SBF2: variants seen among roughly 807,000 people sequenced by gnomAD.
SBF2 encodes SET binding factor 2.
A neutral mutation model predicts 225.2 loss-of-function variants in SBF2; 112 were observed. The observed-to-expected ratio is 0.50, with a 90% confidence interval of 0.43 to 0.58. The LOEUF is 0.58. Ranked by LOEUF, SBF2 falls within the 20% of genes least tolerant of loss-of-function variation. The pLI is 0.00. For missense variants in SBF2, 1,996 were observed against 2,206.2 expected (o/e 0.90, Z 1.91); for synonymous variants, 763 against 773.3 (o/e 0.99, Z 0.22).
In SBF2 at chr11:10,279,157, A is replaced by G. The variant is rs561487970; in HGVS notation, c.55+14858T>C. 3.6e-3 allele frequency among the ~76,000 whole-genome samples: 534 copies of G among 148,450 alleles called. 4 individuals carry two copies. The highest frequency in any genetic ancestry group is 5.4e-3 in the South Asian group (25 of 4,666). ...CCAGGCGTGGTGGCTCATGCCTGTA[A>G]TCTCAGCACTTTGGGAGGCTGAAGT... On this transcript the variant is annotated intron_variant, in intron 1 of 39. Transcript: ENST00000256190.
intron 9 of SBF2, 22 bp downstream of exon 9, chr11:9,998,244 C>G: frequency 1.5e-6 from 2 of 1,323,262 alleles, no homozygotes; most frequent in Non-Finnish European, 2.2e-6. Context: ...GAGAAAGTTA[C>G]TATTACAAAA....
chr11:9,829,426 A>G lies in SBF2; in HGVS notation c.3723T>C (p.Ala1241=). Residue 1241 remains alanine (A), a synonymous_variant, in exon 28 of 40, where the codon GCT becomes GCC. Transcript: ENST00000256190. ...CTCTGAGTTTCTGATGGACAGAAAC[A>G]GCATTCAGTAAGGCTTGCAAGTATT... ...QEKYLQALLN[A]VSVHQKLRGN... 6.2e-7 allele frequency: 1 copy of G among 1,613,338 alleles called. No homozygotes were observed.
At chr11:9,970,568 T>C (rs1303481293) in intron 13 of SBF2, among the ~76,000 whole-genome samples, 3 of 152,266 alleles carry the variant, frequency 2.0e-5, no homozygotes, top group African/African-American at 2.4e-5. Context: ...AAAGAAAATG[T>C]TGGGCTAAGG....
At chr11:10,166,120 C>A (rs150394339) in intron 2 of SBF2, among the ~76,000 whole-genome samples, 1 of 152,252 alleles carries the variant, frequency 6.6e-6, no homozygotes, top group African/African-American at 2.4e-5. Context: ...TTGACTAGCA[C>A]ATAATAGGCA....
intron 1 of SBF2, among the ~76,000 whole-genome samples, chr11:10,229,175 T>A (rs570058052): frequency 3.3e-5 from 5 of 152,252 alleles, no homozygotes; most frequent in Non-Finnish European, 7.4e-5. Context: ...CCCTTTGTCA[T>A]TTTTTATTGC....
intron 2 of SBF2, among the ~76,000 whole-genome samples, chr11:10,056,503 G>A (rs1393607653): frequency 6.6e-6 from 1 of 152,150 alleles, no homozygotes; most frequent in Non-Finnish European, 1.5e-5. Context: ...GTGTGTCACA[G>A]TTGTGAATGG....
intron 13 of SBF2, among the ~76,000 whole-genome samples, chr11:9,977,997 C>A (rs1310367305): frequency 2.6e-5 from 4 of 152,148 alleles, no homozygotes; most frequent in Non-Finnish European, 5.9e-5. Flanking sequence ...TTACAAACAT[C>A]TGAATGGAAT....
intron 16 of SBF2, among the ~76,000 whole-genome samples, chr11:9,939,915 A>G (rs1035449699): frequency 1.3e-5 from 2 of 152,242 alleles, no homozygotes; most frequent in African/African-American, 2.4e-5. Context: ...CTATGTGGAA[A>G]TGTCAAGAGT....
At chr11:9,893,969 G>T (rs895834952) in intron 17 of SBF2, among the ~76,000 whole-genome samples, 1 of 152,182 alleles carries the variant, frequency 6.6e-6, no homozygotes, top group Non-Finnish European at 1.5e-5. Context: ...TTTCTGGTCA[G>T]GCGTGGTGGC....
At chr11:9,798,588 A>G (rs1450015101) in intron 32 of SBF2, among the ~76,000 whole-genome samples, 1 of 152,168 alleles carries the variant, frequency 6.6e-6, no homozygotes, top group Admixed American at 6.5e-5. Context: ...TTTCCAAGGG[A>G]GGAAGAGTTC....
At chr11:10,098,292 T>C (rs1230464446) in intron 2 of SBF2, among the ~76,000 whole-genome samples, 1 of 151,914 alleles carries the variant, frequency 6.6e-6, no homozygotes, top group Non-Finnish European at 1.5e-5. Flanking sequence ...AAACCTAAGA[T>C]TTCTTCCCTG....
At chr11:10,193,295 C>T (rs1159480432) in intron 2 of SBF2, among the ~76,000 whole-genome samples, 2 of 147,960 alleles carry the variant, frequency 1.4e-5, no homozygotes, top group African/African-American at 4.9e-5. Flanking sequence ...AAGACTTTTA[C>T]TAAAGAAGCA....
chr11:9,933,945 TCAAA>T (rs1864691606), intron 16 of SBF2, among the ~76,000 whole-genome samples: 1 of 151,108 alleles, frequency 6.6e-6, no homozygotes, highest in Admixed American at 6.6e-5. Flanking sequence ...GAGAGAAGAA[TCAAA>T]CAGATGCAAT....
intron 6 of SBF2, among the ~76,000 whole-genome samples, chr11:10,012,767 T>C (rs1232747090): frequency 1.3e-5 from 2 of 152,196 alleles, no homozygotes; most frequent in African/African-American, 4.8e-5. Flanking sequence ...ATTTGAATTA[T>C]ATTTTTTTCC....
intron 2 of SBF2, among the ~76,000 whole-genome samples, chr11:10,157,260 A>T (rs1041586360): frequency 6.6e-6 from 1 of 152,198 alleles, no homozygotes; most frequent in African/African-American, 2.4e-5. Context: ...CATATACAAA[A>T]ATTAACTCAA....
chr11:10,291,380 CAG>C (rs976112878), intron 1 of SBF2, among the ~76,000 whole-genome samples: 5 of 152,136 alleles, frequency 3.3e-5, no homozygotes, highest in Non-Finnish European at 7.4e-5. Flanking sequence ...CTGAATCTGT[CAG>C]AGTCTTCATC....
intron 6 of SBF2, among the ~76,000 whole-genome samples, chr11:10,017,316 C>T (rs537297926): frequency 2.6e-5 from 4 of 152,224 alleles, no homozygotes; most frequent in South Asian, 2.1e-4. Context: ...GACCATGTTT[C>T]AAAACAGAAT....
chr11:10,113,187 TCTCA>T (rs1952964531), intron 2 of SBF2, among the ~76,000 whole-genome samples: 2 of 152,198 alleles, frequency 1.3e-5, no homozygotes, highest in Admixed American at 1.3e-4. Flanking sequence ...AGAGACAGGG[TCTCA>T]CTATGTTGCC....
At chr11:9,809,357 A>C (rs374073193) in intron 30 of SBF2, 2 of 236,192 alleles carry the variant, frequency 8.5e-6, no homozygotes, top group South Asian at 1.2e-4. Flanking sequence ...AAAACAATAC[A>C]TTCTAGTAAT....
Sources: allele counts gnomAD v4.1 joint callset (sites outside exome capture counted in the v4.1 genomes callset), GRCh38; gene constraint gnomAD v4.1.1; transcripts MANE v1.5; gene names NCBI Gene and HGNC (gene_info 2026-07-23, HGNC 2026-07-21).